The following ADCY5 variants were observed in gnomAD, a reference collection of about 807,000 sequenced individuals.
The protein encoded by ADCY5 is adenylate cyclase 5, also known as adenylate cyclase type 5.
Under a neutral mutation model 119.7 loss-of-function variants are expected in ADCY5, and 30 were observed. The observed-to-expected ratio is 0.25, with a 90% confidence interval of 0.19 to 0.34. The LOEUF is 0.34. Among genes scored for constraint, ADCY5 ranks in the 10% least tolerant of loss-of-function variants. The probability of loss-of-function intolerance (pLI) is 1.00; values close to 1 mark genes in which losing one functional copy is unlikely to be tolerated. For missense variants in ADCY5, 1,324 were observed against 1,775.2 expected (o/e 0.75, Z 4.57); for synonymous variants, 753 against 762.2 (o/e 0.99, Z 0.20).
chr3:123,297,166 G>T, intron 16 of ADCY5, 187 bp downstream of exon 16: 1 of 1,361,248 alleles, frequency 7.3e-7, no homozygotes, highest in South Asian at 1.2e-5. Context: ...TCATGAAAGT[G>T]ACCAGGGCCT....
chr3:123,308,228 A>G (rs568160480), intron 12 of ADCY5, among the ~76,000 whole-genome samples: 4 of 151,630 alleles, frequency 2.6e-5, no homozygotes, highest in Non-Finnish European at 5.9e-5. Context: ...CAGTACAGAC[A>G]GGGTTTCACT....
intron 10 of ADCY5, among the ~76,000 whole-genome samples, chr3:123,318,895 TG>T (rs1430746020): frequency 6.6e-6 from 1 of 152,194 alleles, no homozygotes; most frequent in Non-Finnish European, 1.5e-5. Context: ...TCATTCACAA[TG>T]TGAAGAAATG....
chr3:123,365,357 GA>G (rs1943394968), intron 1 of ADCY5, among the ~76,000 whole-genome samples: 1 of 152,208 alleles, frequency 6.6e-6, no homozygotes, highest in Non-Finnish European at 1.5e-5. Context: ...ACTTTGGGTA[GA>G]TTAAATTGAC....
At chr3:123,349,908 C>T (rs1016758348) in intron 2 of ADCY5, among the ~76,000 whole-genome samples, 5 of 152,250 alleles carry the variant, frequency 3.3e-5, no homozygotes, top group East Asian at 1.9e-4. Context: ...CAGACCATGT[C>T]GCCTTCTAAG....
At chr3:123,396,053 G>GGAGGGAGGGAGAGAGGGAGGGAGGGAGA (rs1162380713) in intron 1 of ADCY5, among the ~76,000 whole-genome samples, 1 of 27,484 alleles carries the variant, frequency 3.6e-5, no homozygotes. Flanking sequence ...AGGGAGAGAG[G>GGAGGGAGGGAGAGAGGGAGGGAGGGAGA]GAGGGAGGGT....
chr3:123,314,207 C>G, intron 12 of ADCY5, 28 bp downstream of exon 12: 1 of 1,580,568 alleles, frequency 6.3e-7, no homozygotes, highest in African/African-American at 1.3e-5. Context: ...AAGAAGGTGG[C>G]TGCAACCCAG....
chr3:123,388,227 G>A (rs1944291107), intron 1 of ADCY5, among the ~76,000 whole-genome samples: 1 of 152,150 alleles, frequency 6.6e-6, no homozygotes, highest in South Asian at 2.1e-4. Context: ...AGATGATGAA[G>A]GTCTAACCAG....
At chr3:123,403,111 G>A (rs1012633192) in intron 1 of ADCY5, among the ~76,000 whole-genome samples, 1 of 152,164 alleles carries the variant, frequency 6.6e-6, no homozygotes, top group African/African-American at 2.4e-5. Flanking sequence ...CAGACACGGT[G>A]GCTCACGCCT....
intron 1 of ADCY5, chr3:123,367,874 A>T: frequency 6.6e-7 from 1 of 1,524,078 alleles, no homozygotes; most frequent in Non-Finnish European, 8.7e-7. Context: ...ACCAAAGAGA[A>T]AATGAAACTG....
chr3:123,302,544 C>T (rs752900001), intron 14 of ADCY5, among the ~76,000 whole-genome samples: 21 of 152,048 alleles, frequency 1.4e-4, no homozygotes, highest in Non-Finnish European at 1.3e-4. Flanking sequence ...GTGGGTTCTC[C>T]TGAGGTGGGG....
Position 123,286,624 on chromosome 3 carries a change from T to C in ADCY5, c.3657+61A>G. On this transcript the variant is annotated intron_variant, in intron 20 of 20. Transcript: ENST00000462833. The surrounding 1 kb of genome is among the most constrained non-coding windows in gnomAD (Gnocchi z 4.2). Reference sequence around the variant, plus strand: ...CTGTAGGTGGCCTGCCCTGAAGACCTCTCGGTGTCAGACACAGGACCTCCC... The same window carrying C: ...CTGTAGGTGGCCTGCCCTGAAGACCCCTCGGTGTCAGACACAGGACCTCCC... 2 of 1,524,824 alleles carry C rather than the reference T, an allele frequency of 1.3e-6. No individual in the cohort carries two copies. Among genetic ancestry groups the C allele is most frequent in the Admixed American group, 2.2e-5 (1 of 45,618 alleles). 94.5% of individuals were successfully genotyped at this position (1,524,824 alleles called of 1,614,324 possible).
intron 1 of ADCY5, among the ~76,000 whole-genome samples, chr3:123,428,335 G>A (rs1288551412): frequency 1.3e-5 from 2 of 152,186 alleles, no homozygotes; most frequent in Admixed American, 1.3e-4. Context: ...ATGCACTGTA[G>A]TGTAACAATT....
rs1261396473 is a variant in ADCY5, at chr3:123,326,395, G to A, written c.1948-933C>T. On this transcript the variant is annotated intron_variant, in intron 7 of 20. Coordinates refer to ENST00000462833, the MANE Select transcript of ADCY5 (RefSeq NM_183357.3). ...TCCCTCCCTTGTCAGATGAGGTGAC[G>A]GTGGGGACACAGCCTGCTTCAGCTG... Among the ~76,000 whole-genome samples, 4 of 152,324 alleles carry A rather than the reference G, an allele frequency of 2.6e-5. No individual in the cohort carries two copies. In the East Asian group the frequency reaches 5.8e-4, roughly 22 times the overall value.
intron 1 of ADCY5, among the ~76,000 whole-genome samples, chr3:123,424,847 G>C: frequency 6.6e-6 from 1 of 152,226 alleles, no homozygotes; most frequent in Admixed American, 6.5e-5. Flanking sequence ...ATAAATAAGT[G>C]AATGGCAAAA....
chr3:123,288,101 C>T (rs1938901698), intron 19 of ADCY5, among the ~76,000 whole-genome samples: 1 of 152,244 alleles, frequency 6.6e-6, no homozygotes, highest in African/African-American at 2.4e-5. Flanking sequence ...CTCGGGGCCT[C>T]CAGCAGCCAG....
At chr3:123,314,143 G>T (rs1940755102) in intron 12 of ADCY5, 92 bp downstream of exon 12, 2 of 976,362 alleles carry the variant, frequency 2.0e-6, no homozygotes, top group African/African-American at 3.3e-5. Flanking sequence ...CAATACTCGG[G>T]CCCCTTCACA....
chr3:123,306,179 T>A (rs1275294319), intron 12 of ADCY5, among the ~76,000 whole-genome samples: 4 of 152,256 alleles, frequency 2.6e-5, no homozygotes, highest in Non-Finnish European at 5.9e-5. Flanking sequence ...ATTAAAATCC[T>A]GCTTAATAGA....
At chr3:123,424,721 T>A (rs974622537) in intron 1 of ADCY5, among the ~76,000 whole-genome samples, 1 of 152,130 alleles carries the variant, frequency 6.6e-6, no homozygotes, top group African/African-American at 2.4e-5. Flanking sequence ...CAGTACACAC[T>A]GGCTTTTCTA....
intron 3 of ADCY5, among the ~76,000 whole-genome samples, chr3:123,344,002 C>T (rs1014857252): frequency 1.3e-5 from 2 of 152,354 alleles, no homozygotes; most frequent in East Asian, 1.9e-4. Flanking sequence ...ATCCTACAGG[C>T]TCCTTGGCCA....
Sources: gnomAD v4.1 joint callset for allele counts (sites outside exome capture counted in the v4.1 genomes callset) on GRCh38, gnomAD v4.1.1 for gene constraint, Gnocchi (gnomAD v3.1) non-coding constraint, MANE v1.5 for transcripts, NCBI Gene and HGNC (gene_info 2026-07-23, HGNC 2026-07-21) for gene names.